CT45A1: variants seen among roughly 807,000 people sequenced by gnomAD.
The protein encoded by CT45A1 is cancer/testis antigen 45-1.
At chrX:135,714,121 G>T (rs2087958456) in intron 1 of CT45A1, among the ~76,000 whole-genome samples, 1 of 108,697 alleles carries the variant, frequency 9.2e-6, no homozygotes, top group African/African-American at 3.4e-5. Context: ...AACATGGTGG[G>T]GGTGGCTGTG....
At chrX:135,708,559 C>T in the CT45A1 span, among the ~76,000 whole-genome samples, 1 of 110,925 alleles carries the variant, frequency 9.0e-6, no homozygotes, top group East Asian at 2.9e-4. Flanking sequence ...CGTCGGAGAC[C>T]GTTTTCCTTG....
At chrX:135,715,672 ATACT>A (rs2087982537) in intron 1 of CT45A1, among the ~76,000 whole-genome samples, 1 of 99,782 alleles carries the variant, frequency 1.0e-5, no homozygotes, top group African/African-American at 3.7e-5. Flanking sequence ...TATATATATA[ATACT>A]TATATGTATA....
chrX:135,714,904 C>T (rs1392623990), intron 1 of CT45A1, among the ~76,000 whole-genome samples: 2 of 105,359 alleles, frequency 1.9e-5, no homozygotes, highest in East Asian at 2.9e-4. Flanking sequence ...CATGAAGTTC[C>T]TTTTCAGGTA....
upstream of CT45A1, among the ~76,000 whole-genome samples, chrX:135,712,862 A>C (rs1470015853): frequency 7.3e-5 from 8 of 109,829 alleles, no homozygotes; most frequent in South Asian, 3.9e-4. Flanking sequence ...CCATCCAATG[A>C]AGATTTCAGT....
At chrX:135,715,349 C>T (rs2087973570) in intron 1 of CT45A1, among the ~76,000 whole-genome samples, 3 of 26,370 alleles carry the variant, frequency 1.1e-4, no homozygotes, top group Admixed American at 6.9e-4. Context: ...ATATATAATA[C>T]TTACATATAA....
upstream of CT45A1, among the ~76,000 whole-genome samples, chrX:135,712,179 C>CTTTTTTTTT (rs782572662): frequency 1.9e-4 from 9 of 48,423 alleles, no homozygotes; most frequent in Admixed American, 3.7e-4. Flanking sequence ...TTTTTTCTTT[C>CTTTTTTTTT]TTTTTTTTTT....
rs1364167909 is a variant in CT45A1 at position 135,713,679 on chromosome X, T to G, written c.-18T>G. The G allele has an allele frequency of 1.3e-6, 1 of 748,238 alleles. No individual in the cohort carries two copies. Among genetic ancestry groups the G allele is most frequent in the Admixed American group, 8.9e-5 (1 of 11,194 alleles). The allele number at this position is 748,238 out of a possible 1,213,427, so 61.7% of individuals were successfully genotyped here. ...CCATTTTGTGAGGTGCTGCTGTCTCTCCTCCAGCAAGGTCAGGACTTAAGG... is the reference window on the plus strand; with the variant it reads ...CCATTTTGTGAGGTGCTGCTGTCTCGCCTCCAGCAAGGTCAGGACTTAAGG... On this transcript the variant is annotated 5_prime_UTR_variant, in exon 1 of 5. Transcript: ENST00000594565.
chrX:135,712,976 T>TC (rs1556570063), upstream of CT45A1, among the ~76,000 whole-genome samples: 801 of 15,856 alleles, frequency 0.051, 3 homozygotes, highest in East Asian at 0.14. Flanking sequence ...TTTCTTTCTT[T>TC]TCTTTCTCCT....
intron 1 of CT45A1, among the ~76,000 whole-genome samples, chrX:135,718,437 A>C (rs1203011465): frequency 1.8e-5 from 2 of 110,406 alleles, no homozygotes; most frequent in South Asian, 7.6e-4. Flanking sequence ...TTCTAATAAG[A>C]GTTCCTAATA....
chrX:135,714,364 A>G (rs1472238114), intron 1 of CT45A1, among the ~76,000 whole-genome samples: 1 of 108,836 alleles, frequency 9.2e-6, no homozygotes, highest in African/African-American at 3.4e-5. Flanking sequence ...CTGCGGGGGA[A>G]TGGGGTGCTG....
chrX:135,708,965 C>G (rs1404541226), upstream of CT45A1, among the ~76,000 whole-genome samples: 1 of 110,860 alleles, frequency 9.0e-6, no homozygotes, highest in African/African-American at 3.3e-5. Flanking sequence ...GGATATAAAC[C>G]TTGAGAGTTG....
At chrX:135,708,889 A>C (rs1280031516), upstream of CT45A1, among the ~76,000 whole-genome samples, 1 of 110,996 alleles carries the variant, frequency 9.0e-6, no homozygotes, top group Non-Finnish European at 1.9e-5. Context: ...TAATGTCATC[A>C]GTGCAAAGAA....
intron 1 of CT45A1, among the ~76,000 whole-genome samples, chrX:135,716,879 C>T (rs1407966414): frequency 9.0e-6 from 1 of 111,527 alleles, no homozygotes; most frequent in Non-Finnish European, 1.9e-5. Context: ...AAAGCACTGT[C>T]TTTTCCACAA....
upstream of CT45A1, among the ~76,000 whole-genome samples, chrX:135,709,564 G>A (rs369385462): frequency 1.6e-3 from 182 of 112,554 alleles, 1 homozygote; most frequent in African/African-American, 5.5e-3. Flanking sequence ...CACTGTGTCT[G>A]GCGAAAACTT....
At chrX:135,715,283 T>TTA (rs374347966) in intron 1 of CT45A1, among the ~76,000 whole-genome samples, 1,451 of 63,664 alleles carry the variant, frequency 0.023, 35 homozygotes, top group Non-Finnish European at 0.034. Flanking sequence ...TATATAATAC[T>TTA]TATATATATA....
At chrX:135,715,398 T>TATAATACTTATATATAATACTTATATAC (rs2087975732) in intron 1 of CT45A1, among the ~76,000 whole-genome samples, 1 of 79,602 alleles carries the variant, frequency 1.3e-5, no homozygotes, top group African/African-American at 4.9e-5. Flanking sequence ...TACTTATATA[T>TATAATACTTATATATAATACTTATATAC]ATAATACTTA....
At position 135,716,240 on chromosome X, in the gene CT45A1, C is replaced by A. The variant is rs1310306163; in HGVS notation, c.-7+2550C>A. ...CAGATGGTATTTCTGGTTCTAGATC[C>A]TTGAGGAATCGCCACACTGTCTTCC... On this transcript the variant is annotated intron_variant, in intron 1 of 4. Coordinates refer to ENST00000594565, the MANE Select transcript of CT45A1 (RefSeq NM_001017417.3). Among the ~76,000 whole-genome samples, 12 of 111,376 alleles carry A rather than the reference C, an allele frequency of 1.1e-4. No individual in the cohort carries two copies. The Admixed American group carries it at 1.2e-3, about 11-fold the overall frequency.
At chrX:135,713,111 C>T (rs1180428782), upstream of CT45A1, among the ~76,000 whole-genome samples, 3 of 97,349 alleles carry the variant, frequency 3.1e-5, no homozygotes, top group Non-Finnish European at 6.1e-5. Flanking sequence ...GTTCTCGGCT[C>T]TCTGCTACCT....
upstream of CT45A1, among the ~76,000 whole-genome samples, chrX:135,711,191 T>A (rs1435033899): frequency 8.9e-6 from 1 of 111,931 alleles, no homozygotes; most frequent in African/African-American, 3.2e-5. Context: ...GGGATTTTTT[T>A]AATGCAAAAA....
Sources: allele counts gnomAD v4.1 joint callset (sites outside exome capture counted in the v4.1 genomes callset), GRCh38; gene constraint gnomAD v4.1.1; transcripts MANE v1.5; gene names NCBI Gene and HGNC (gene_info 2026-07-23, HGNC 2026-07-21).